Variants in LNPK observed in about 807,000 individuals in gnomAD.
The protein encoded by LNPK is lunapark, ER junction formation factor.
Under a neutral mutation model 55.2 loss-of-function variants are expected in LNPK, and 29 were observed. The ratio of observed to expected loss-of-function variants is 0.53; its 90% CI spans 0.39 to 0.72. The LOEUF (loss-of-function observed/expected upper bound fraction) is 0.72, where lower values mean the gene tolerates loss of function less well. Ranked by LOEUF, LNPK falls within the 30% of genes least tolerant of loss-of-function variation. LNPK has a pLI of 0.00. For missense variants in LNPK, 467 were observed against 494.8 expected, an observed-to-expected ratio of 0.94 and a Z score of 0.53; for synonymous variants, 162 against 168.2, an observed-to-expected ratio of 0.96 and a Z score of 0.29.
intron 1 of LNPK, among the ~76,000 whole-genome samples, chr2:175,998,157 A>G: frequency 6.6e-6 from 1 of 152,138 alleles, no homozygotes; most frequent in Non-Finnish European, 1.5e-5. Flanking sequence ...CAAAGACAGT[A>G]AGCAGGCCGG....
chr2:175,994,914 A>ATTTTTTTTTTTTTTTTTTT (rs35432943), intron 2 of LNPK, among the ~76,000 whole-genome samples: 1 of 88,494 alleles, frequency 1.1e-5, no homozygotes, highest in Non-Finnish European at 2.2e-5. Flanking sequence ...CTTGTATAGA[A>ATTTTTTTTTTTTTTTTTTT]TTTTTTTTTT....
intron 8 of LNPK, among the ~76,000 whole-genome samples, chr2:175,952,058 C>A (rs1306695815): frequency 7.0e-6 from 1 of 143,358 alleles, no homozygotes; most frequent in East Asian, 2.0e-4. Flanking sequence ...TATTCATGTT[C>A]TTAGCCCACT....
Position 175,929,879 on chromosome 2 carries a change from G to C in LNPK, c.*88C>G. The stretch of plus-strand genomic sequence containing the variant: ...ATGATACACAAGCATACCCTTAGAG[G>C]GGCAAAAAAAGTAAGTGCCACCGAA... On this transcript the variant is annotated 3_prime_UTR_variant, in exon 13 of 13. Transcript: ENST00000272748. The C allele has an allele frequency of 1.9e-6, 3 of 1,562,098 alleles. No homozygotes were observed. Among genetic ancestry groups the C allele is most frequent in the Non-Finnish European group, 2.6e-6 (3 of 1,154,162 alleles).
rs1413648753 is a variant in LNPK, at chr2:175,964,391, T to C, written c.474A>G (p.Val158=). The change falls in exon 8 of 13, where the codon GTA becomes GTG. Residue 158 remains valine, a synonymous_variant. Transcript: ENST00000272748. ...ECEPPSAGAA[V]TARPGQEIRQ... ...ATTTACCTTGTCCAGGTCTTGCAGT[T>C]ACAGCTGCTCCAGCAGATGGCGGCT... 2 of 1,613,582 alleles carry C rather than the reference T, an allele frequency of 1.2e-6. No individual in the cohort carries two copies. The highest frequency in any genetic ancestry group is 2.2e-5 in the South Asian group (2 of 91,072).
chr2:175,930,250 C>T, intron 12 of LNPK, 51 bp from the exon 13 acceptor site: 2 of 1,347,420 alleles, frequency 1.5e-6, no homozygotes, highest in Non-Finnish European at 1.0e-6. Context: ...GTTAAAACTG[C>T]TAAATAAGGC....
intron 8 of LNPK, among the ~76,000 whole-genome samples, chr2:175,952,754 TG>T (rs1379326790): frequency 6.6e-6 from 1 of 152,204 alleles, no homozygotes; most frequent in Non-Finnish European, 1.5e-5. Context: ...ATCTGGTTTT[TG>T]TGCTCCTTTT....
rs544926595 is a variant in LNPK, at chr2:175,949,296, A to AT, written c.494-1605dup. Among the ~76,000 whole-genome samples the AT allele has an allele frequency of 1.8e-4, 28 of 152,196 alleles. No individual in the cohort carries two copies. The South Asian group carries it at 5.8e-3, about 32-fold the overall frequency. On this transcript the variant is annotated intron_variant, in intron 8 of 12. Transcript: ENST00000272748. ...CGTCTGCAAATTAGCTGCTAACTTT[A>AT]TTTTTTACTCACAAGGAGCACCTTA...
At chr2:175,985,179 G>A (rs1687347368) in intron 4 of LNPK, among the ~76,000 whole-genome samples, 1 of 152,200 alleles carries the variant, frequency 6.6e-6, no homozygotes, top group African/African-American at 2.4e-5. Flanking sequence ...ATTAATGGAT[G>A]GCAGGGGTTA....
At position 175,929,642 on chromosome 2, in the gene LNPK, G is replaced by T; in HGVS notation, c.*325C>A. On this transcript the variant is annotated 3_prime_UTR_variant, in exon 13 of 13. Transcript: ENST00000272748. ...ACCAAAGTTCTTCCTATGTCAAAAT[G>T]GATATTTACGGGTTATACATACAGA... is the stretch of plus-strand genomic sequence containing the variant. The T allele has an allele frequency of 9.5e-7, 1 of 1,053,782 alleles. No individual in the cohort carries two copies. The highest frequency in any genetic ancestry group is 1.1e-6 in the Non-Finnish European group (1 of 873,766). 65.3% of individuals were successfully genotyped at this position (1,053,782 alleles called of 1,614,324 possible).
rs757758516 is a variant in LNPK at position 175,964,609 on chromosome 2, T to C, written c.358-20A>G. ...TTCAAGCTACGAACAAAAATTTCCA[T>C]AAATTGTCACACTTCAAAACACACA... On this transcript the variant is annotated intron_variant, in intron 6 of 12. Transcript: ENST00000272748. The C allele has an allele frequency of 7.1e-7, 1 of 1,411,474 alleles. No individual in the cohort carries two copies. Among genetic ancestry groups the C allele is most frequent in the Middle Eastern group, 2.4e-4 (1 of 4,084 alleles). 87.4% of individuals were successfully genotyped at this position (1,411,474 alleles called of 1,614,324 possible).
At chr2:175,982,916 T>C (rs1206692158) in intron 4 of LNPK, among the ~76,000 whole-genome samples, 2 of 152,124 alleles carry the variant, frequency 1.3e-5, no homozygotes, top group Non-Finnish European at 2.9e-5. Flanking sequence ...TTCATAAAAA[T>C]AATCCAAACA....
chr2:175,980,645 G>A (rs890125919), intron 4 of LNPK, among the ~76,000 whole-genome samples: 1 of 152,088 alleles, frequency 6.6e-6, no homozygotes, highest in African/African-American at 2.4e-5. Context: ...GGTGGCTCAC[G>A]CCTGTAATCC....
rs377502898 is a variant in LNPK, at chr2:175,971,629, C to T, written c.317-825G>A. On this transcript the variant is annotated intron_variant, in intron 5 of 12. Coordinates refer to ENST00000272748, the MANE Select transcript of LNPK (RefSeq NM_030650.3). ...ATTCTAGGTAACAAATACCTGAATA[C>T]CCAACTCAAAGTACATCATTTATGT... 4.0e-5 allele frequency among the ~76,000 whole-genome samples: 6 copies of T among 151,888 alleles called. No homozygotes were observed. The East Asian group carries it at 1.2e-3, about 29-fold the overall frequency.
intron 9 of LNPK, among the ~76,000 whole-genome samples, chr2:175,945,099 G>A (rs1470774398): frequency 9.2e-5 from 14 of 151,632 alleles, no homozygotes; most frequent in African/African-American, 3.1e-4. Flanking sequence ...AGGTTTCACC[G>A]CGTTAGTCAG....
chr2:175,939,511 T>G (rs1474043055), intron 10 of LNPK, 41 bp downstream of exon 10: 3 of 1,098,558 alleles, frequency 2.7e-6, no homozygotes, highest in Non-Finnish European at 4.2e-6. Context: ...ACACACATCC[T>G]GTTTTCATTT....
At chr2:175,988,750 CTTCT>C (rs1287382396) in intron 4 of LNPK, among the ~76,000 whole-genome samples, 1 of 152,028 alleles carries the variant, frequency 6.6e-6, no homozygotes, top group Admixed American at 6.6e-5. Context: ...TTCCAAATGT[CTTCT>C]TTATTATATA....
chr2:175,936,057 G>A (rs1373990299), intron 12 of LNPK, among the ~76,000 whole-genome samples: 1 of 152,132 alleles, frequency 6.6e-6, no homozygotes, highest in African/African-American at 2.4e-5. Flanking sequence ...CCAAAAGGCT[G>A]CAATGGCAAG....
At chr2:175,990,860 T>C (rs1687670309) in intron 4 of LNPK, among the ~76,000 whole-genome samples, 1 of 151,960 alleles carries the variant, frequency 6.6e-6, no homozygotes, top group Non-Finnish European at 1.5e-5. Flanking sequence ...CAAGATATAC[T>C]AGATGCAGGT....
At chr2:175,972,593 T>C (rs1686710674) in intron 5 of LNPK, among the ~76,000 whole-genome samples, 1 of 152,170 alleles carries the variant, frequency 6.6e-6, no homozygotes, top group Non-Finnish European at 1.5e-5. Flanking sequence ...ACATTTCACT[T>C]AATTGAGGTT....
Sources: gnomAD v4.1 joint callset for allele counts (sites outside exome capture counted in the v4.1 genomes callset) on GRCh38, gnomAD v4.1.1 for gene constraint, MANE v1.5 for transcripts, NCBI Gene and HGNC (gene_info 2026-07-23, HGNC 2026-07-21) for gene names.